Variants in COMMD1 observed in about 807,000 individuals in gnomAD.
COMMD1 encodes copper metabolism domain containing 1.
In COMMD1, 10 loss-of-function variants were observed where a neutral mutation model predicts 17.2. That is an observed-to-expected ratio of 0.58 (90% CI 0.36 to 0.99). COMMD1 has a LOEUF of 0.99. COMMD1 is among the 50% of genes least tolerant of loss of function. The probability of loss-of-function intolerance (pLI) is 0.01; values close to 1 mark genes in which losing one functional copy is unlikely to be tolerated. For synonymous variants in COMMD1, 97 were observed against 91.6 expected, an observed-to-expected ratio of 1.06 and a Z score of -0.34; for missense variants, 270 against 231.8, an observed-to-expected ratio of 1.17 and a Z score of -1.07.
intron 1 of COMMD1, 72 bp from the exon 2 acceptor site, chr2:62,000,629 G>A (rs1454805325): frequency 1.4e-6 from 2 of 1,383,190 alleles, no homozygotes; most frequent in South Asian, 2.4e-5. Flanking sequence ...AATATAATCT[G>A]TAGTTAAGAA....
intron 1 of COMMD1, among the ~76,000 whole-genome samples, chr2:61,940,295 C>G (rs1670709368): frequency 6.6e-6 from 1 of 152,156 alleles, no homozygotes; most frequent in Admixed American, 6.5e-5. Flanking sequence ...TTTTATAGTA[C>G]TAGATAGGGA....
chr2:62,083,190 G>C (rs1029018767), intron 2 of COMMD1, among the ~76,000 whole-genome samples: 1 of 152,258 alleles, frequency 6.6e-6, no homozygotes, highest in Middle Eastern at 3.4e-3. Context: ...TTGAGCCTAG[G>C]AGGTTGAGTT....
Position 61,910,205 on chromosome 2 carries a change from T to G in COMMD1, c.180+4347T>G, listed in dbSNP as rs562508158. Among the ~76,000 whole-genome samples the G allele has an allele frequency of 1.7e-3, 255 of 152,210 alleles. 1 individual carries two copies. Among genetic ancestry groups the G allele is most frequent in the African/African-American group, 6.0e-3 (249 of 41,516 alleles). On this transcript the variant is annotated intron_variant, in intron 1 of 2. Transcript: ENST00000311832. ...GAGATAACATCCTATAGATAAATAC[T>G]CTTGTATTTATATATAAAATATATA...
chr2:62,075,710 G>A (rs570886882), intron 2 of COMMD1, among the ~76,000 whole-genome samples: 3 of 152,136 alleles, frequency 2.0e-5, no homozygotes, highest in East Asian at 1.9e-4. Flanking sequence ...CTCCCACCCC[G>A]TTCTGAGAGC....
At chr2:62,076,645 G>A (rs1558588638) in intron 2 of COMMD1, among the ~76,000 whole-genome samples, 1 of 152,192 alleles carries the variant, frequency 6.6e-6, no homozygotes, top group East Asian at 1.9e-4. Context: ...TACTCAGGAG[G>A]CTGAGGCATG....
intron 1 of COMMD1, among the ~76,000 whole-genome samples, chr2:61,975,266 G>A (rs1256942800): frequency 2.0e-5 from 3 of 151,462 alleles, no homozygotes. Context: ...TTCACCTACT[G>A]AAGGACATTT....
intron 1 of COMMD1, among the ~76,000 whole-genome samples, chr2:61,994,021 C>G (rs532612365): frequency 2.6e-5 from 4 of 152,156 alleles, no homozygotes; most frequent in Non-Finnish European, 5.9e-5. Flanking sequence ...GAGTCTCGCT[C>G]TGTCACCCAG....
chr2:62,066,575 G>T (rs533900680), intron 2 of COMMD1, among the ~76,000 whole-genome samples: 42 of 150,100 alleles, frequency 2.8e-4, no homozygotes, highest in African/African-American at 1.0e-3. Flanking sequence ...CTAATTTTTT[G>T]TATTTTTAGT....
At chr2:61,954,010 G>C (rs1671127357) in intron 1 of COMMD1, among the ~76,000 whole-genome samples, 1 of 152,022 alleles carries the variant, frequency 6.6e-6, no homozygotes, top group Admixed American at 6.5e-5. Flanking sequence ...ACAGGGTCAG[G>C]AGTTCGAGAC....
At chr2:61,961,076 C>A (rs552464691) in intron 1 of COMMD1, among the ~76,000 whole-genome samples, 1 of 152,310 alleles carries the variant, frequency 6.6e-6, no homozygotes, top group East Asian at 1.9e-4. Context: ...GGAAAGGGAG[C>A]CCCACGTTGG....
At chr2:62,000,593 A>G (rs2103803069) in intron 1 of COMMD1, 108 bp from the exon 2 acceptor site, 3 of 1,076,750 alleles carry the variant, frequency 2.8e-6, no homozygotes, top group Non-Finnish European at 4.2e-6. Flanking sequence ...TGTCTGGGCT[A>G]TTTCAGTGAT....
At chr2:61,969,159 A>G (rs1016665598) in intron 1 of COMMD1, 31 of 213,728 alleles carry the variant, frequency 1.5e-4, no homozygotes, top group Non-Finnish European at 2.6e-4. Context: ...TTTGTTTTCA[A>G]ACAAGAAAAT....
chr2:61,936,303 GGTCTCTGA>G (rs540381028), intron 1 of COMMD1, among the ~76,000 whole-genome samples: 264 of 152,122 alleles, frequency 1.7e-3, no homozygotes, highest in African/African-American at 5.3e-3. Flanking sequence ...TCTTTCTATG[GGTCTCTGA>G]GGCAGTCACT....
intron 2 of COMMD1, among the ~76,000 whole-genome samples, chr2:62,083,360 G>A (rs1671577955): frequency 6.6e-6 from 1 of 152,164 alleles, no homozygotes; most frequent in South Asian, 2.1e-4. Flanking sequence ...ATTGTAGCCT[G>A]AAAGCAGCCA....
intron 2 of COMMD1, among the ~76,000 whole-genome samples, chr2:62,003,277 C>T (rs929666265): frequency 3.3e-5 from 5 of 149,924 alleles, no homozygotes; most frequent in African/African-American, 1.2e-4. Flanking sequence ...TGTGGTGGCT[C>T]ATGCCTGTAA....
chr2:62,081,892 A>G (rs1295127737), intron 2 of COMMD1, among the ~76,000 whole-genome samples: 1 of 151,990 alleles, frequency 6.6e-6, no homozygotes, highest in Non-Finnish European at 1.5e-5. Context: ...TGCTTTTTTT[A>G]GATCTCTAAA....
At chr2:61,908,186 G>T (rs1448378256) in intron 1 of COMMD1, among the ~76,000 whole-genome samples, 1 of 151,656 alleles carries the variant, frequency 6.6e-6, no homozygotes, top group African/African-American at 2.4e-5. Flanking sequence ...GGCTGAAACC[G>T]TGGGCTCAGG....
chr2:61,978,817 G>C (rs1186334584), intron 1 of COMMD1, among the ~76,000 whole-genome samples: 2 of 152,122 alleles, frequency 1.3e-5, no homozygotes, highest in Admixed American at 6.5e-5. Flanking sequence ...CCTAAGACTT[G>C]AGCCAGAAAA....
chr2:62,035,810 G>T (rs186463520), intron 2 of COMMD1, among the ~76,000 whole-genome samples: 2 of 151,684 alleles, frequency 1.3e-5, no homozygotes, highest in Non-Finnish European at 2.9e-5. Context: ...CAGCACTTTG[G>T]GGGGCTGAGG....
Sources: allele counts gnomAD v4.1 joint callset (sites outside exome capture counted in the v4.1 genomes callset), GRCh38; gene constraint gnomAD v4.1.1; transcripts MANE v1.5; gene names NCBI Gene and HGNC (gene_info 2026-07-23, HGNC 2026-07-21).